MCCC2: variants seen among roughly 807,000 people sequenced by gnomAD.
MCCC2 encodes the protein methylcrotonoyl-CoA carboxylase beta chain, mitochondrial.
Under a neutral mutation model 77.2 loss-of-function variants are expected in MCCC2, and 52 were observed. The observed-to-expected ratio is 0.67, with a 90% CI of 0.54 to 0.85. The LOEUF (loss-of-function observed/expected upper bound fraction) is 0.85, where lower values mean the gene tolerates loss of function less well. MCCC2 is among the 40% of genes least tolerant of loss of function. MCCC2 has a pLI of 0.00. For missense variants in MCCC2, 682 were observed against 703.2 expected (o/e 0.97, Z 0.34); for synonymous variants, 253 against 248.4 (o/e 1.02, Z -0.18).
intron 7 of MCCC2, among the ~76,000 whole-genome samples, chr5:71,631,003 G>T (rs930278418): frequency 4.6e-5 from 7 of 151,860 alleles, no homozygotes; most frequent in Non-Finnish European, 1.0e-4. Flanking sequence ...AATTTCTCTG[G>T]CTATAATTAA....
intron 10 of MCCC2, among the ~76,000 whole-genome samples, chr5:71,640,352 T>C (rs1443586040): frequency 1.3e-5 from 2 of 151,724 alleles, no homozygotes; most frequent in Non-Finnish European, 2.9e-5. Context: ...TTATTATTTC[T>C]TGCTGAAAGG....
rs1747643905 is a variant in MCCC2 at position 71,658,514 on chromosome 5, G to A, written c.*1654G>A. ...TCCTGCTAGAATGTAAGCTCCGTGA[G>A]AGCAAGGATCCTCCTGTTTACCCTG... is the stretch of plus-strand genomic sequence containing the variant. On this transcript the variant is annotated 3_prime_UTR_variant, in exon 17 of 17. Transcript: ENST00000340941. The A allele has an allele frequency of 6.6e-6, 1 of 152,196 alleles. No homozygotes were observed. The highest frequency in any genetic ancestry group is 1.5e-5 in the Non-Finnish European group (1 of 68,040). The allele number at this position is 152,196 out of a possible 1,614,324, so 9.4% of individuals were successfully genotyped here. A position where few individuals can be genotyped will look rare whatever the true frequency, so the allele number is the denominator to read the frequency against.
In MCCC2 at chr5:71,626,720, G is replaced by A; in HGVS notation, c.705G>A (p.Lys235=). 6.2e-7 allele frequency: 1 copy of A among 1,614,146 alleles called. No individual in the cohort carries two copies. Among genetic ancestry groups the A allele is most frequent in the African/African-American group, 1.3e-5 (1 of 75,036 alleles). ...AMADENIIVR[K]QGTIFLAGPP... is the part of the protein sequence containing the mutation. The stretch of plus-strand genomic sequence containing the variant: ...CTGATGAAAACATCATTGTACGCAA[G>A]CAGGGTACCATTTTCTTGGCAGGAC... The change falls in exon 7 of 17, where the codon AAG becomes AAA. Residue 235 remains lysine (K), a synonymous_variant. Coordinates refer to ENST00000340941, the MANE Select transcript of MCCC2 (RefSeq NM_022132.5).
intron 6 of MCCC2, among the ~76,000 whole-genome samples, chr5:71,619,577 A>G (rs1351032353): frequency 2.0e-5 from 3 of 148,230 alleles, no homozygotes; most frequent in Non-Finnish European, 3.0e-5. Context: ...TTGTTTATTT[A>G]TTTTTCGGGA....
Position 71,646,250 on chromosome 5 carries a change from C to A in MCCC2, c.1189C>A (p.Pro397Thr). 1 of 1,613,740 alleles carries A rather than the reference C, an allele frequency of 6.2e-7. No homozygotes were observed. The highest frequency in any genetic ancestry group is 8.5e-7 in the Non-Finnish European group (1 of 1,179,818). Reference protein sequence around the residue: ...FVQLCCQRNIPLLFLQNITGF... With the variant: ...FVQLCCQRNITLLFLQNITGF... ...CCAGTTATGCTGCCAAAGAAATATT[C>A]CTCTGCTGTTCCTTCAAAACATTAC... Residue 397 changes from proline (P) to threonine (T), a missense_variant, in exon 13 of 17, where the codon CCT becomes ACT. Coordinates refer to ENST00000340941, the MANE Select transcript of MCCC2 (RefSeq NM_022132.5).
chr5:71,632,015 G>GA, intron 7 of MCCC2, 106 bp from the exon 8 acceptor site: 1 of 977,430 alleles, frequency 1.0e-6, no homozygotes, highest in Non-Finnish European at 1.7e-6. Context: ...TAGTTCTATG[G>GA]AAGAAAAAGT....
At chr5:71,596,210 TATG>T in intron 2 of MCCC2, 67 bp from the exon 3 acceptor site, 1 of 1,307,960 alleles carries the variant, frequency 7.6e-7, no homozygotes, top group East Asian at 2.3e-5. Context: ...GATTAAGTAT[TATG>T]TTTTTCTGGC....
chr5:71,596,854 C>T (rs541863109), intron 3 of MCCC2, among the ~76,000 whole-genome samples: 11 of 151,928 alleles, frequency 7.2e-5, no homozygotes, highest in African/African-American at 2.4e-4. Context: ...GCAGGAGAGT[C>T]GCTCGAACCC....
chr5:71,615,034 T>A (rs1368017088), intron 6 of MCCC2, among the ~76,000 whole-genome samples: 1 of 152,160 alleles, frequency 6.6e-6, no homozygotes, highest in Non-Finnish European at 1.5e-5. Flanking sequence ...TGGCACGATC[T>A]CGGCTCACTG....
In MCCC2 at chr5:71,650,157, G is replaced by A; in HGVS notation, c.1462G>A (p.Asp488Asn). Reference protein sequence around the residue: ...AANVLATITKDQRAREGKQFS... With the variant: ...AANVLATITKNQRAREGKQFS... ...CAATGTGTTGGCCACGATAACAAAG[G>A]ACCAAAGAGCCCGGGAAGGAAAGCA... Residue 488 changes from aspartate to asparagine, a missense_variant, in exon 15 of 17, where the codon GAC becomes AAC. Coordinates refer to ENST00000340941, the MANE Select transcript of MCCC2 (RefSeq NM_022132.5). 6.2e-7 allele frequency: 1 copy of A among 1,614,138 alleles called. No individual in the cohort carries two copies.
Position 71,626,876 on chromosome 5 carries a change from TG to T in MCCC2, c.738+124del, listed in dbSNP as rs1348395644. The T allele has an allele frequency of 4.3e-6, 4 of 935,418 alleles. No homozygotes were observed. In the African/African-American group the frequency reaches 6.5e-5, roughly 15 times the overall value. The allele number at this position is 935,418 out of a possible 1,614,324, so 57.9% of individuals were successfully genotyped here. A position where few individuals can be genotyped will look rare whatever the true frequency, so the allele number is the denominator to read the frequency against. On this transcript the variant is annotated intron_variant, in intron 7 of 16. Transcript: ENST00000340941. ...AAAATATGCATAACATAAAACTTAC[TG>T]TTGTAACCGTTTTTCAGTACAGCTT... is the stretch of plus-strand genomic sequence containing the variant.
chr5:71,633,131 A>ATTTTTTTTTTTTTTTTTT (rs1306338509), intron 8 of MCCC2, among the ~76,000 whole-genome samples: 6 of 78,084 alleles, frequency 7.7e-5, no homozygotes, highest in Admixed American at 1.7e-4. Context: ...ATATATATAT[A>ATTTTTTTTTTTTTTTTTT]TTTTTATTTT....
chr5:71,587,901 C>T (rs1197175652), intron 1 of MCCC2, among the ~76,000 whole-genome samples: 1 of 152,082 alleles, frequency 6.6e-6, no homozygotes, highest in Non-Finnish European at 1.5e-5. Flanking sequence ...GGACTTTTGG[C>T]AGCCAGCTTT....
At chr5:71,655,858 G>A (rs1747562886) in intron 16 of MCCC2, among the ~76,000 whole-genome samples, 2 of 152,262 alleles carry the variant, frequency 1.3e-5, no homozygotes, top group East Asian at 1.9e-4. Flanking sequence ...TAAAGTTATT[G>A]TTTTTCCTAT....
chr5:71,616,280 C>T (rs1257862980), intron 6 of MCCC2, among the ~76,000 whole-genome samples: 2 of 152,202 alleles, frequency 1.3e-5, no homozygotes, highest in Non-Finnish European at 2.9e-5. Context: ...ATTAGTCAAA[C>T]CCAAGGATGG....
At chr5:71,638,294 T>C (rs1012882144) in intron 10 of MCCC2, among the ~76,000 whole-genome samples, 4 of 152,208 alleles carry the variant, frequency 2.6e-5, no homozygotes, top group East Asian at 1.9e-4. Context: ...ACTTCATCCA[T>C]TGAAATCTTG....
intron 6 of MCCC2, among the ~76,000 whole-genome samples, chr5:71,623,157 A>G (rs912241375): frequency 2.6e-5 from 4 of 152,250 alleles, no homozygotes; most frequent in African/African-American, 9.6e-5. Flanking sequence ...CTTCAATTGT[A>G]GTCACTTAAG....
chr5:71,651,764 G>A (rs1747445481), intron 15 of MCCC2, among the ~76,000 whole-genome samples: 1 of 152,148 alleles, frequency 6.6e-6, no homozygotes, highest in South Asian at 2.1e-4. Flanking sequence ...GCGAGTGGTT[G>A]GGGTGTGGGT....
chr5:71,633,131 A>ATATTTTTTTTTTTTTTT (rs1554137344), intron 8 of MCCC2, among the ~76,000 whole-genome samples: 21 of 78,066 alleles, frequency 2.7e-4, no homozygotes, highest in East Asian at 4.8e-4. Context: ...ATATATATAT[A>ATATTTTTTTTTTTTTTT]TTTTTATTTT....
Sources: gnomAD v4.1 joint callset for allele counts (sites outside exome capture counted in the v4.1 genomes callset) on GRCh38, gnomAD v4.1.1 for gene constraint, MANE v1.5 for transcripts, NCBI Gene and HGNC (gene_info 2026-07-23, HGNC 2026-07-21) for gene names.